Variants in WDFY3 observed in about 807,000 individuals in gnomAD.
The protein encoded by WDFY3 is WD repeat and FYVE domain-containing protein 3.
WDFY3 carries 66 observed loss-of-function variants against 409.6 expected under a neutral mutation model. The ratio of observed to expected loss-of-function variants is 0.16; its 90% CI spans 0.13 to 0.20. The LOEUF (loss-of-function observed/expected upper bound fraction) is 0.20. Among genes scored for constraint, WDFY3 ranks in the 10% least tolerant of loss-of-function variants. The pLI, the probability that WDFY3 is intolerant of heterozygous loss-of-function variation, is 1.00. For missense variants in WDFY3, 3,031 were observed against 4,298.1 expected (o/e 0.71, Z 8.24); for synonymous variants, 1,521 against 1,537.1 (o/e 0.99, Z 0.25).
At chr4:84,875,263 A>AACACACACACAC (rs58589086) in intron 3 of WDFY3, among the ~76,000 whole-genome samples, 53 of 137,578 alleles carry the variant, frequency 3.9e-4, no homozygotes, top group African/African-American at 1.4e-3. Context: ...GCAAGACTCA[A>AACACACACACAC]ACACACACAC....
intron 2 of WDFY3, among the ~76,000 whole-genome samples, chr4:84,913,010 T>G (rs1178742453): frequency 6.6e-6 from 1 of 152,198 alleles, no homozygotes; most frequent in Admixed American, 6.5e-5. Context: ...ACTGATACTT[T>G]GTCGCTGAAG....
At chr4:84,798,165 A>C in intron 17 of WDFY3, 57 bp from the exon 18 acceptor site, 3 of 1,383,834 alleles carry the variant, frequency 2.2e-6, no homozygotes, top group Non-Finnish European at 3.0e-6. Context: ...ATAATTCATT[A>C]ACCAAATATT....
intron 1 of WDFY3, among the ~76,000 whole-genome samples, chr4:84,953,136 A>G (rs537552701): frequency 1.7e-4 from 26 of 152,256 alleles, no homozygotes; most frequent in African/African-American, 6.3e-4. Flanking sequence ...ATTTGCCACA[A>G]CATGAGTTGA....
intron 2 of WDFY3, among the ~76,000 whole-genome samples, chr4:84,931,475 GA>G (rs1770757815): frequency 6.6e-6 from 1 of 152,144 alleles, no homozygotes; most frequent in Admixed American, 6.5e-5. Flanking sequence ...ACAGCAATGT[GA>G]TGATAGCTAG....
chr4:84,867,511 TTAGG>T (rs1467899750), intron 3 of WDFY3, among the ~76,000 whole-genome samples: 1 of 152,176 alleles, frequency 6.6e-6, no homozygotes, highest in Non-Finnish European at 1.5e-5. Flanking sequence ...AAAAATAATG[TTAGG>T]ACTGCCAGCA....
intron 49 of WDFY3, among the ~76,000 whole-genome samples, chr4:84,715,601 C>T (rs1344577417): frequency 6.6e-6 from 1 of 151,558 alleles, no homozygotes; most frequent in Non-Finnish European, 1.5e-5. Flanking sequence ...AGTGAAACCC[C>T]GTCTCTACTA....
chr4:84,850,755 T>C (rs1181913423), intron 4 of WDFY3, among the ~76,000 whole-genome samples: 1 of 152,030 alleles, frequency 6.6e-6, no homozygotes, highest in Non-Finnish European at 1.5e-5. Flanking sequence ...ACTAAACTCA[T>C]TTCATGTCTC....
intron 7 of WDFY3, among the ~76,000 whole-genome samples, chr4:84,836,068 G>A (rs185792231): frequency 2.6e-5 from 4 of 152,164 alleles, no homozygotes; most frequent in Middle Eastern, 3.4e-3. Flanking sequence ...TTAAGAGTGT[G>A]GTACAGTAGT....
chr4:84,747,449 T>A (rs1739666961), intron 36 of WDFY3, among the ~76,000 whole-genome samples: 1 of 152,300 alleles, frequency 6.6e-6, no homozygotes, highest in East Asian at 1.9e-4. Context: ...TTTGCTTGTT[T>A]CCCTGTAGTT....
At chr4:84,723,752 A>G (rs901105355) in intron 46 of WDFY3, among the ~76,000 whole-genome samples, 1 of 152,240 alleles carries the variant, frequency 6.6e-6, no homozygotes, top group African/African-American at 2.4e-5. Context: ...GAGTTGGAGA[A>G]GACTTTAGAG....
At chr4:84,764,264 A>G (rs930073290) in intron 32 of WDFY3, among the ~76,000 whole-genome samples, 2 of 152,150 alleles carry the variant, frequency 1.3e-5, no homozygotes, top group African/African-American at 4.8e-5. Context: ...GCCTTTCGTT[A>G]TTTATTCTCC....
At chr4:84,706,087 C>G (rs1376329981) in intron 53 of WDFY3, among the ~76,000 whole-genome samples, 3 of 152,148 alleles carry the variant, frequency 2.0e-5, no homozygotes, top group Non-Finnish European at 4.4e-5. Flanking sequence ...ATGGATTCTT[C>G]TAGTTTACCA....
At chr4:84,780,450 A>C in intron 25 of WDFY3, 152 bp from the exon 26 acceptor site, 4 of 923,730 alleles carry the variant, frequency 4.3e-6, no homozygotes, top group Non-Finnish European at 6.1e-6. Flanking sequence ...CATTAAAGGT[A>C]GAATTTGGGA....
At chr4:84,771,848 T>C (rs1369987522) in intron 30 of WDFY3, among the ~76,000 whole-genome samples, 4 of 152,206 alleles carry the variant, frequency 2.6e-5, no homozygotes, top group African/African-American at 4.8e-5. Flanking sequence ...TCATTCTAAA[T>C]GAATTGGCAG....
At chr4:84,957,285 AAGGCATATCATAATG>A (rs1716135518) in intron 1 of WDFY3, among the ~76,000 whole-genome samples, 2 of 151,886 alleles carry the variant, frequency 1.3e-5, no homozygotes, top group African/African-American at 4.8e-5. Flanking sequence ...ACAAAACTAC[AAGGCATATCATAATG>A]AGACTTCTCA....
chr4:84,726,352 A>C (rs1735652684), intron 45 of WDFY3, among the ~76,000 whole-genome samples: 1 of 152,206 alleles, frequency 6.6e-6, no homozygotes, highest in Non-Finnish European at 1.5e-5. Context: ...AAAAACGATA[A>C]TTAACTTTTC....
intron 2 of WDFY3, among the ~76,000 whole-genome samples, chr4:84,917,875 A>G (rs1768715664): frequency 6.6e-6 from 1 of 152,216 alleles, no homozygotes; most frequent in African/African-American, 2.4e-5. Flanking sequence ...AAAAGACCAA[A>G]ACTCCTAGAG....
At chr4:84,792,565 A>T (rs1303610797) in intron 21 of WDFY3, among the ~76,000 whole-genome samples, 1 of 152,162 alleles carries the variant, frequency 6.6e-6, no homozygotes, top group African/African-American at 2.4e-5. Context: ...GACAACTCCT[A>T]ATCTCCTAGG....
At chr4:84,807,189 C>A (rs548757369) in intron 15 of WDFY3, among the ~76,000 whole-genome samples, 2 of 151,996 alleles carry the variant, frequency 1.3e-5, no homozygotes, top group Admixed American at 6.6e-5. Context: ...GAAAAATACA[C>A]GATATCAACT....
Sources: gnomAD v4.1 joint callset for allele counts (sites outside exome capture counted in the v4.1 genomes callset) on GRCh38, gnomAD v4.1.1 for gene constraint, MANE v1.5 for transcripts, NCBI Gene and HGNC (gene_info 2026-07-23, HGNC 2026-07-21) for gene names.